Variants in FAM217B observed in about 807,000 individuals in gnomAD.
FAM217B encodes protein FAM217B.
For missense variants in FAM217B, 463 were observed against 456.9 expected, an observed-to-expected ratio of 1.01 and a Z score of -0.12; for synonymous variants, 163 against 173.0, an observed-to-expected ratio of 0.94 and a Z score of 0.45.
chr20:59,938,796 A>G (rs1346853013), upstream of FAM217B: 2 of 389,400 alleles, frequency 5.1e-6, no homozygotes, highest in East Asian at 7.9e-5. Flanking sequence ...CCCTGCCCCA[A>G]CTCATTACAC....
chr20:59,938,086 A>T (rs1339954175), upstream of FAM217B: 3 of 152,250 alleles, frequency 2.0e-5, no homozygotes, highest in African/African-American at 7.2e-5. Context: ...ACAAGAAATA[A>T]AAATAGTCAC....
At position 59,947,848 on chromosome 20, in the gene FAM217B, G is replaced by A. The variant is rs571203099; in HGVS notation, c.*2753G>A. ...ATTAAATGCTGCAGATAAGAATCTT[G>A]CTATTTTTCAAGTAGACAACATTAG... On this transcript the variant is annotated 3_prime_UTR_variant, in exon 4 of 4. Transcript: ENST00000360816. 1.2e-5 allele frequency: 2 copies of A among 166,906 alleles called. No homozygotes were observed. The highest frequency in any genetic ancestry group is 3.9e-4 in the East Asian group (2 of 5,178). The allele number at this position is 166,906 out of a possible 1,614,324, so 10.3% of individuals were successfully genotyped here.
rs1449601450 is a variant in FAM217B, at chr20:59,946,442, A to T, written c.*1347A>T. 28 of 166,976 alleles carry T rather than the reference A, an allele frequency of 1.7e-4. 1 individual carries two copies. Among genetic ancestry groups the T allele is most frequent in the Non-Finnish European group, 1.5e-5 (1 of 68,114 alleles). The allele number at this position is 166,976 out of a possible 1,614,324, so 10.3% of individuals were successfully genotyped here. On this transcript the variant is annotated 3_prime_UTR_variant, in exon 4 of 4. Transcript: ENST00000360816. ...CATTTGGGAACATATAATAGCTTGT[A>T]AACTTTTCAGACAGCAGTAAATGTC...
rs1243449371 is a variant in FAM217B, at chr20:59,948,054, A to AT, written c.*2959_*2960insT. 3 of 163,196 alleles carry AT rather than the reference A, an allele frequency of 1.8e-5. No homozygotes were observed. The highest frequency in any genetic ancestry group is 4.4e-5 in the Non-Finnish European group (3 of 67,892). The allele number at this position is 163,196 out of a possible 1,614,324, so 10.1% of individuals were successfully genotyped here. A position where few individuals can be genotyped will look rare whatever the true frequency, so the allele number is the denominator to read the frequency against. On this transcript the variant is annotated 3_prime_UTR_variant, in exon 4 of 4. Transcript: ENST00000360816. ...AGTTTCTTTAAAAAAAAAAAGAAAA[A>AT]GAAAAAGAAAAAGAAAAATATTTTA...
At position 59,942,253 on chromosome 20, in the gene FAM217B, C is replaced by G. The variant is rs1241138315; in HGVS notation, c.-147C>G. 6.6e-6 allele frequency: 1 copy of G among 152,572 alleles called. No homozygotes were observed. Among genetic ancestry groups the G allele is most frequent in the African/African-American group, 2.4e-5 (1 of 41,426 alleles). The allele number at this position is 152,572 out of a possible 1,614,324, so 9.5% of individuals were successfully genotyped here. A position where few individuals can be genotyped will look rare whatever the true frequency, so the allele number is the denominator to read the frequency against. Reference sequence around the variant, plus strand: ...AAGAGGAATAAAGAAGTCACCTCCCCAGCTGTCATCATCTTCCAGCAGATT... The same window carrying G: ...AAGAGGAATAAAGAAGTCACCTCCCGAGCTGTCATCATCTTCCAGCAGATT... On this transcript the variant is annotated 5_prime_UTR_variant, in exon 2 of 4. Coordinates refer to ENST00000360816, the MANE Select transcript of FAM217B (RefSeq NM_022106.3).
upstream of FAM217B, chr20:59,939,175 C>T (rs567847258): frequency 2.5e-6 from 4 of 1,609,724 alleles, no homozygotes; most frequent in Non-Finnish European, 3.4e-6. Flanking sequence ...GCGAAGTGCA[C>T]GCGGGAGCCG....
At position 59,944,139 on chromosome 20, in the gene FAM217B, A is replaced by G. The variant is rs759488114; in HGVS notation, c.196A>G (p.Arg66Gly). 17 of 1,614,018 alleles carry G rather than the reference A, an allele frequency of 1.1e-5. No homozygotes were observed. The African/African-American group carries it at 1.6e-4, about 15-fold the overall frequency. ...ARRKRNPLGS[R>G]CQGASGNKLF... ...ACGCAAAAGGAATCCACTCGGTTCC[A>G]GGTGTCAGGGGGCCTCAGGGAATAA... The change falls in exon 4 of 4, where the codon AGG (arginine) becomes GGG (glycine). Residue 66 changes from arginine (R) to glycine (G), a missense_variant. By Grantham distance (125) the Arg-to-Gly change is moderately radical. Coordinates refer to ENST00000360816, the MANE Select transcript of FAM217B (RefSeq NM_022106.3).
chr20:59,943,828 TA>T, intron 3 of FAM217B, 111 bp from the exon 4 acceptor site: 1 of 852,344 alleles, frequency 1.2e-6, no homozygotes, highest in Non-Finnish European at 1.8e-6. Flanking sequence ...TAATGCCTAC[TA>T]ATAGCTGAGA....
chr20:59,940,235 T>A (rs1037109972), upstream of FAM217B: 1 of 264,052 alleles, frequency 3.8e-6, no homozygotes, highest in Non-Finnish European at 7.6e-6. Context: ...CCTTGGAGGT[T>A]CTTACAAGAA....
In FAM217B at chr20:59,946,132, G is replaced by A. The variant is rs1414588625; in HGVS notation, c.*1037G>A. On this transcript the variant is annotated 3_prime_UTR_variant, in exon 4 of 4. Transcript: ENST00000360816. ...TTATTTTGCTTGGGGTGAGGGGCGG[G>A]AGAGTGGAATATGAGTAAGGTTGCT... is the stretch of plus-strand genomic sequence containing the variant. 1 of 167,042 alleles carries A rather than the reference G, an allele frequency of 6.0e-6. No homozygotes were observed. Among genetic ancestry groups the A allele is most frequent in the Non-Finnish European group, 1.5e-5 (1 of 68,118 alleles). The allele number at this position is 167,042 out of a possible 1,614,324, so 10.3% of individuals were successfully genotyped here.
intron 1 of FAM217B, among the ~76,000 whole-genome samples, chr20:59,935,037 A>G (rs959348329): frequency 1.3e-5 from 2 of 152,208 alleles, no homozygotes; most frequent in African/African-American, 4.8e-5. Flanking sequence ...GTACGCAGGG[A>G]TTTGAGGGGA....
At position 59,945,277 on chromosome 20, in the gene FAM217B, C is replaced by G; in HGVS notation, c.*182C>G. 1.8e-6 allele frequency: 1 copy of G among 554,200 alleles called. No homozygotes were observed. The highest frequency in any genetic ancestry group is 3.2e-6 in the Non-Finnish European group (1 of 314,368). 34.3% of individuals were successfully genotyped at this position (554,200 alleles called of 1,614,324 possible). A position where few individuals can be genotyped will look rare whatever the true frequency, so the allele number is the denominator to read the frequency against. On this transcript the variant is annotated 3_prime_UTR_variant, in exon 4 of 4. Coordinates refer to ENST00000360816, the MANE Select transcript of FAM217B (RefSeq NM_022106.3). ...GTTATTTTCAAAGGGAAGTGTCTTT[C>G]AATAAGCCTTTCTTTGTATTGTCAG... is the stretch of plus-strand genomic sequence containing the variant.
upstream of FAM217B, chr20:59,939,073 G>A (rs2060879604): frequency 1.9e-6 from 3 of 1,576,484 alleles, no homozygotes; most frequent in Non-Finnish European, 2.6e-6. Flanking sequence ...TCCCCGCGAG[G>A]CATGTGCAGC....
chr20:59,939,069 C>T, upstream of FAM217B: 2 of 1,568,916 alleles, frequency 1.3e-6, no homozygotes, highest in Non-Finnish European at 1.7e-6. Context: ...GCACTCCCCG[C>T]GAGGCATGTG....
upstream of FAM217B, chr20:59,939,791 CG>C: frequency 8.1e-7 from 1 of 1,227,706 alleles, no homozygotes; most frequent in African/African-American, 1.6e-5. Context: ...GCGCGCGGCC[CG>C]GGCTCCCAGG....
chr20:59,947,913 A>G lies in FAM217B; in HGVS notation c.*2818A>G, dbSNP rs1424065044. On this transcript the variant is annotated 3_prime_UTR_variant, in exon 4 of 4. Transcript: ENST00000360816. The stretch of plus-strand genomic sequence containing the variant: ...AACTCATTCAATTCATCAAGTCAAA[A>G]GCACTGAGTGTTTTGCTAGTCTAGT... 6.0e-6 allele frequency: 1 copy of G among 167,054 alleles called. No homozygotes were observed. The highest frequency in any genetic ancestry group is 1.9e-4 in the East Asian group (1 of 5,206). The allele number at this position is 167,054 out of a possible 1,614,324, so 10.3% of individuals were successfully genotyped here.
upstream of FAM217B, chr20:59,939,590 T>G: frequency 6.2e-7 from 1 of 1,603,850 alleles, no homozygotes; most frequent in African/African-American, 1.3e-5. Context: ...CCTTGACCTG[T>G]GCCAGCTCCA....
chr20:59,938,991 G>GCTTA (rs1444711170), upstream of FAM217B: 1 of 1,468,996 alleles, frequency 6.8e-7, no homozygotes, highest in African/African-American at 1.4e-5. Context: ...AGGAGGCGCA[G>GCTTA]CTTAGGTGTG....
At chr20:59,943,875 G>T in intron 3 of FAM217B, 65 bp from the exon 4 acceptor site, 1 of 1,344,652 alleles carries the variant, frequency 7.4e-7, no homozygotes, top group Non-Finnish European at 1.0e-6. Context: ...CTTTTTGTTT[G>T]TTTAATTATA....
Sources: allele counts gnomAD v4.1 joint callset (sites outside exome capture counted in the v4.1 genomes callset), GRCh38; gene constraint gnomAD v4.1.1; transcripts MANE v1.5; gene names NCBI Gene and HGNC (gene_info 2026-07-23, HGNC 2026-07-21).